The following F9 variants were observed in gnomAD, a reference collection of about 807,000 sequenced individuals.
F9 encodes the protein Christmas factor.
In F9, 2 loss-of-function variants were observed where a neutral mutation model predicts 34.1. The ratio of observed to expected loss-of-function variants is 0.06; its 90% confidence interval spans 0.02 to 0.18. The LOEUF (loss-of-function observed/expected upper bound fraction) is 0.18. Among genes scored for constraint, F9 ranks in the 10% least tolerant of loss-of-function variants. The probability of loss-of-function intolerance (pLI) is 1.00; values close to 1 mark genes in which losing one functional copy is unlikely to be tolerated. For synonymous variants in F9, 137 were observed against 118.8 expected (o/e 1.15, Z -1.00); for missense variants, 216 against 345.1 (o/e 0.63, Z 2.96).
Position 139,562,226 on chromosome X carries a change from G to A in F9, c.*155G>A, listed in dbSNP as rs1289758088. On this transcript the variant is annotated 3_prime_UTR_variant, in exon 8 of 8. Coordinates refer to ENST00000218099, the MANE Select transcript of F9 (RefSeq NM_000133.4). ...CAGGGGAGAATTTCATATTTTACCT[G>A]AGCAAATTGATTAGAAAATGGAACC... 4.0e-6 allele frequency: 2 copies of A among 499,719 alleles called. No homozygotes were observed. The highest frequency in any genetic ancestry group is 2.4e-5 in the African/African-American group (1 of 41,505). The allele number at this position is 499,719 out of a possible 1,213,427, so 41.2% of individuals were successfully genotyped here. A position where few individuals can be genotyped will look rare whatever the true frequency, so the allele number is the denominator to read the frequency against.
intron 6 of F9, among the ~76,000 whole-genome samples, chrX:139,560,449 GA>G (rs746573258): frequency 4.0e-4 from 45 of 111,912 alleles, no homozygotes; most frequent in Admixed American, 2.1e-3. Context: ...GACTCATGGG[GA>G]AAAAATCCAA....
At chrX:139,547,102 C>G (rs1169606842) in intron 4 of F9, among the ~76,000 whole-genome samples, 1 of 111,331 alleles carries the variant, frequency 9.0e-6, no homozygotes, top group African/African-American at 3.3e-5. Context: ...GGTACTGACA[C>G]AAGGATAGAC....
At chrX:139,533,470 A>G (rs989452622) in intron 1 of F9, among the ~76,000 whole-genome samples, 2 of 112,711 alleles carry the variant, frequency 1.8e-5, no homozygotes, top group Non-Finnish European at 3.7e-5. Flanking sequence ...GAAGCATTAC[A>G]TATACATTAG....
At chrX:139,539,671 T>TA (rs4149689) in intron 3 of F9, among the ~76,000 whole-genome samples, 3,699 of 112,516 alleles carry the variant, frequency 0.033, 157 homozygotes, top group African/African-American at 0.11. Context: ...GTCTATAATA[T>TA]AAAGGGCAAA....
chrX:139,560,913 T>C (rs1015859355), intron 7 of F9, 58 bp downstream of exon 7: 6 of 869,504 alleles, frequency 6.9e-6, no homozygotes, highest in South Asian at 2.0e-5. Flanking sequence ...ATATGATTGG[T>C]ACACCATATT....
Position 139,561,480 on chromosome X carries a change from G to A in F9, c.839-44G>A, listed in dbSNP as rs770883287. On this transcript the variant is annotated intron_variant, in intron 7 of 7. Transcript: ENST00000218099. The stretch of plus-strand genomic sequence containing the variant: ...GTAGTCACTTAGAAAATCTGTGTAT[G>A]TGAAATACTGTTTGTGACTTAAAAT... 5.3e-6 allele frequency: 6 copies of A among 1,126,510 alleles called. No homozygotes were observed. In the East Asian group the frequency reaches 1.8e-4, roughly 34 times the overall value. 92.8% of individuals were successfully genotyped at this position (1,126,510 alleles called of 1,213,427 possible).
intron 6 of F9, among the ~76,000 whole-genome samples, chrX:139,553,304 T>G (rs1927887343): frequency 8.9e-6 from 1 of 111,834 alleles, no homozygotes; most frequent in African/African-American, 3.3e-5. Context: ...TGACCTTCTT[T>G]ATGAACCTTT....
intron 6 of F9, among the ~76,000 whole-genome samples, chrX:139,557,274 C>A (rs1212945984): frequency 1.8e-5 from 2 of 111,950 alleles, no homozygotes; most frequent in Non-Finnish European, 3.8e-5. Flanking sequence ...ATCTCATACC[C>A]CAAATAGCTA....
chrX:139,536,209 ACAC>A (rs1927462594), intron 1 of F9, among the ~76,000 whole-genome samples: 2 of 106,657 alleles, frequency 1.9e-5, no homozygotes, highest in African/African-American at 6.8e-5. Context: ...ATACATATAT[ACAC>A]ACACATATAT....
At chrX:139,554,274 G>T (rs1258876507) in intron 6 of F9, among the ~76,000 whole-genome samples, 1 of 112,052 alleles carries the variant, frequency 8.9e-6, no homozygotes, top group Non-Finnish European at 1.9e-5. Context: ...ACTCATACAT[G>T]CATGTGCACA....
chrX:139,532,533 G>A (rs1332353200), intron 1 of F9, among the ~76,000 whole-genome samples: 1 of 111,327 alleles, frequency 9.0e-6, no homozygotes, highest in East Asian at 2.8e-4. Context: ...ACTGTGTCAG[G>A]GTACTAGGGG....
chrX:139,558,103 C>T (rs753004312), intron 6 of F9, among the ~76,000 whole-genome samples: 9 of 113,230 alleles, frequency 7.9e-5, no homozygotes, highest in African/African-American at 1.6e-4. Context: ...CCTCCCCCAG[C>T]GGGGACATGG....
intron 3 of F9, among the ~76,000 whole-genome samples, chrX:139,539,772 T>C (rs1434986742): frequency 2.7e-5 from 3 of 112,024 alleles, no homozygotes; most frequent in Non-Finnish European, 5.6e-5. Flanking sequence ...CAAATTAGAG[T>C]ATCTGTGCAA....
In F9 at chrX:139,553,915, T is replaced by C. The variant is rs4149718; in HGVS notation, c.723+2651T>C. Reference sequence around the variant, plus strand: ...TCTCCTTGTCATTCCAGAAATGAAATGGCAAATACATTTAAATCAGAACTA... The same window carrying C: ...TCTCCTTGTCATTCCAGAAATGAAACGGCAAATACATTTAAATCAGAACTA... On this transcript the variant is annotated intron_variant, in intron 6 of 7. Coordinates refer to ENST00000218099, the MANE Select transcript of F9 (RefSeq NM_000133.4). Among the ~76,000 whole-genome samples, 375 of 100,872 alleles carry C rather than the reference T, an allele frequency of 3.7e-3. 1 individual carries two copies. The highest frequency in any genetic ancestry group is 0.013 in the African/African-American group (360 of 27,025). The allele number at this position is 100,872 out of a possible 115,157, so 87.6% of individuals were successfully genotyped here.
chrX:139,545,624 C>T (rs1194113292), intron 4 of F9, among the ~76,000 whole-genome samples: 1 of 111,630 alleles, frequency 9.0e-6, no homozygotes, highest in Non-Finnish European at 1.9e-5. Context: ...AAAGAACTAT[C>T]AGGTAAAAAC....
intron 6 of F9, among the ~76,000 whole-genome samples, chrX:139,559,383 T>C (rs1928045216): frequency 8.9e-6 from 1 of 111,737 alleles, no homozygotes; most frequent in Non-Finnish European, 1.9e-5. Flanking sequence ...TGAAACCCCA[T>C]CTCTACTAAA....
chrX:139,561,530 A>G lies in F9; in HGVS notation c.845A>G (p.His282Arg), dbSNP rs753654616. The G allele has an allele frequency of 2.7e-5, 33 of 1,204,562 alleles. No individual in the cohort carries two copies. Among genetic ancestry groups the G allele is most frequent in the Non-Finnish European group, 3.6e-5 (32 of 890,491 alleles). The change falls in exon 8 of 8, where the codon CAT becomes CGT. Residue 282 changes from histidine (H) to arginine (R), a missense_variant. Around this residue, in one of 2 missense-constraint regions of F9, gnomAD observed 177 missense variants for 311.8 expected, o/e 0.57. Transcript: ENST00000218099. Reference protein sequence around the residue: ...GVKITVVAGEHNIEETEHTEQ... With the variant: ...GVKITVVAGERNIEETEHTEQ... ...TGAAATTTATTTTTAATAGGTGAACATAATATTGAGGAGACAGAACATACA... is the reference window on the plus strand; with the variant it reads ...TGAAATTTATTTTTAATAGGTGAACGTAATATTGAGGAGACAGAACATACA...
intron 1 of F9, among the ~76,000 whole-genome samples, chrX:139,536,588 T>C (rs1431347993): frequency 9.0e-6 from 1 of 111,577 alleles, no homozygotes; most frequent in Non-Finnish European, 1.9e-5. Context: ...ATTAGGCTTC[T>C]GTTCTTCAGG....
At chrX:139,548,189 T>C (rs1421965881) in intron 4 of F9, among the ~76,000 whole-genome samples, 174 bp from the exon 5 acceptor site, 1 of 111,593 alleles carries the variant, frequency 9.0e-6, no homozygotes, top group Non-Finnish European at 1.9e-5. Flanking sequence ...AAGTTTATTT[T>C]ACCTTTCTTT....
Sources: allele counts gnomAD v4.1 joint callset (sites outside exome capture counted in the v4.1 genomes callset), GRCh38; gene constraint gnomAD v4.1.1; regional missense constraint gnomAD v4.1.1; transcripts MANE v1.5; gene names NCBI Gene and HGNC (gene_info 2026-07-23, HGNC 2026-07-21).